HPSE2: variants seen among roughly 807,000 people sequenced by gnomAD.
The protein encoded by HPSE2 is heparanase 2 (inactive), also known as inactive heparanase-2.
In HPSE2, 38 loss-of-function variants were observed where a neutral mutation model predicts 60.5. The observed-to-expected ratio is 0.63, with a 90% confidence interval of 0.48 to 0.82. The LOEUF (loss-of-function observed/expected upper bound fraction) is 0.82. HPSE2 is among the 40% of genes least tolerant of loss of function. HPSE2 has a pLI of 0.00. For synonymous variants in HPSE2, 295 were observed against 293.2 expected, an observed-to-expected ratio of 1.01 and a Z score of -0.06; for missense variants, 713 against 740.4, an observed-to-expected ratio of 0.96 and a Z score of 0.43.
intron 3 of HPSE2, among the ~76,000 whole-genome samples, chr10:98,934,753 C>A: frequency 7.0e-6 from 1 of 143,266 alleles, no homozygotes; most frequent in African/African-American, 2.9e-5. Flanking sequence ...TGATTATGTG[C>A]CTTGGGGCAG....
intron 3 of HPSE2, among the ~76,000 whole-genome samples, chr10:99,104,102 A>C (rs2135655930): frequency 6.6e-6 from 1 of 152,338 alleles, no homozygotes; most frequent in Middle Eastern, 3.4e-3. Flanking sequence ...AAACACCAAA[A>C]GCAATGGTAA....
chr10:98,636,099 C>T (rs1457788813), intron 7 of HPSE2, among the ~76,000 whole-genome samples: 2 of 152,112 alleles, frequency 1.3e-5, no homozygotes, highest in African/African-American at 4.8e-5. Context: ...GGAATACATT[C>T]TAGTGTATGA....
intron 3 of HPSE2, among the ~76,000 whole-genome samples, chr10:99,023,625 T>C (rs1274148399): frequency 2.6e-5 from 4 of 152,146 alleles, no homozygotes; most frequent in African/African-American, 9.7e-5. Flanking sequence ...TCACTCCAGC[T>C]CCAGCTTTAT....
intron 3 of HPSE2, among the ~76,000 whole-genome samples, chr10:99,028,839 C>T (rs1023330569): frequency 2.0e-5 from 3 of 152,114 alleles, no homozygotes; most frequent in Non-Finnish European, 4.4e-5. Context: ...TACATACCTA[C>T]AGTGAACTCA....
chr10:98,880,884 CTTAG>C (rs1010146122), intron 3 of HPSE2, among the ~76,000 whole-genome samples: 13 of 152,018 alleles, frequency 8.6e-5, no homozygotes, highest in East Asian at 7.8e-4. Flanking sequence ...ATTTTATTTT[CTTAG>C]TTTGTTTTGT....
intron 3 of HPSE2, among the ~76,000 whole-genome samples, chr10:99,009,884 G>A (rs1029874331): frequency 1.3e-5 from 2 of 152,064 alleles, no homozygotes; most frequent in South Asian, 2.1e-4. Context: ...TAACAAAAAC[G>A]TAGGAAGGAC....
chr10:98,682,968 G>A (rs1383672831), intron 6 of HPSE2, among the ~76,000 whole-genome samples: 1 of 152,198 alleles, frequency 6.6e-6, no homozygotes, highest in Admixed American at 6.5e-5. Flanking sequence ...AGAGGATTAT[G>A]TGAAAGGCTA....
At chr10:98,518,039 T>C (rs765889413) in intron 9 of HPSE2, among the ~76,000 whole-genome samples, 2 of 152,170 alleles carry the variant, frequency 1.3e-5, no homozygotes, top group Non-Finnish European at 2.9e-5. Flanking sequence ...CCTTCAGCTC[T>C]TCCCAAAACA....
intron 2 of HPSE2, among the ~76,000 whole-genome samples, chr10:99,206,533 A>G (rs1373325805): frequency 6.6e-6 from 1 of 150,838 alleles, no homozygotes; most frequent in Admixed American, 6.6e-5. Flanking sequence ...TCAAGGCTGC[A>G]GTGGTTGACA....
chr10:99,040,869 A>G (rs2487893), intron 3 of HPSE2, among the ~76,000 whole-genome samples: 115,168 of 151,998 alleles, frequency 0.76, 46,395 homozygotes, highest in South Asian at 0.92. Flanking sequence ...AGCGGATCAC[A>G]AGATCAGGAG....
intron 5 of HPSE2, among the ~76,000 whole-genome samples, chr10:98,697,789 A>G (rs999158715): frequency 5.9e-5 from 9 of 152,186 alleles, no homozygotes; most frequent in Admixed American, 3.3e-4. Flanking sequence ...AGGGACTACA[A>G]TCAGACTAAC....
intron 3 of HPSE2, among the ~76,000 whole-genome samples, chr10:98,793,292 A>G (rs970714047): frequency 1.3e-5 from 2 of 152,206 alleles, no homozygotes; most frequent in African/African-American, 4.8e-5. Flanking sequence ...ACAGCACTTT[A>G]GGTGTTAACT....
intron 3 of HPSE2, among the ~76,000 whole-genome samples, chr10:99,132,221 G>A (rs1402988494): frequency 0.035 from 677 of 19,144 alleles, 41 homozygotes; most frequent in Admixed American, 0.051. Context: ...GAGAGAGAGA[G>A]AGAGAGAGAG....
At chr10:98,749,492 GATAT>G (rs142443351) in intron 3 of HPSE2, among the ~76,000 whole-genome samples, 1 of 150,474 alleles carries the variant, frequency 6.6e-6, no homozygotes, top group African/African-American at 2.4e-5. Context: ...TATATATACA[GATAT>G]ATATATGCAT....
intron 3 of HPSE2, among the ~76,000 whole-genome samples, chr10:99,124,358 T>C (rs1271426000): frequency 6.6e-6 from 1 of 152,204 alleles, no homozygotes; most frequent in Non-Finnish European, 1.5e-5. Flanking sequence ...CTGGCCCCCA[T>C]GCTTCAGGCA....
the HPSE2 span, among the ~76,000 whole-genome samples, chr10:99,255,553 C>T: frequency 2.0e-5 from 2 of 102,294 alleles, no homozygotes. Flanking sequence ...CACATGCACG[C>T]ATGCACACAT....
intron 3 of HPSE2, among the ~76,000 whole-genome samples, chr10:98,955,692 A>G (rs1955491180): frequency 6.6e-6 from 1 of 152,218 alleles, no homozygotes; most frequent in African/African-American, 2.4e-5. Context: ...AATAGCAAAG[A>G]CATCGAATCA....
chr10:98,741,070 G>T (rs574923802), intron 4 of HPSE2, among the ~76,000 whole-genome samples: 11 of 151,870 alleles, frequency 7.2e-5, no homozygotes, highest in Non-Finnish European at 1.3e-4. Context: ...TTTAATAAAT[G>T]ATTATTTATC....
At chr10:99,209,352 A>G (rs890368046) in intron 2 of HPSE2, among the ~76,000 whole-genome samples, 2 of 152,216 alleles carry the variant, frequency 1.3e-5, no homozygotes. Context: ...CAGAAATTTC[A>G]CAAATACATG....
Sources: allele counts gnomAD v4.1 joint callset (sites outside exome capture counted in the v4.1 genomes callset), GRCh38; gene constraint gnomAD v4.1.1; transcripts MANE v1.5; gene names NCBI Gene and HGNC (gene_info 2026-07-23, HGNC 2026-07-21).